CERS6: variants seen among roughly 807,000 people sequenced by gnomAD.
CERS6 encodes ceramide synthase 6.
CERS6 carries 26 observed loss-of-function variants against 56.8 expected under a neutral mutation model. That is an observed-to-expected ratio of 0.46 (90% CI 0.34 to 0.63). The LOEUF is 0.63. Ranked by LOEUF, CERS6 falls within the 30% of genes least tolerant of loss-of-function variation. The probability of loss-of-function intolerance (pLI) is 0.01; values close to 1 mark genes in which losing one functional copy is unlikely to be tolerated. For synonymous variants in CERS6, 164 were observed against 173.3 expected (o/e 0.95, Z 0.42); for missense variants, 415 against 467.5 (o/e 0.89, Z 1.04).
intron 4 of CERS6, among the ~76,000 whole-genome samples, chr2:168,639,962 T>C (rs1366906284): frequency 6.6e-6 from 1 of 152,200 alleles, no homozygotes; most frequent in Non-Finnish European, 1.5e-5. Context: ...GTCAAAAATC[T>C]GGTGATACTA....
chr2:168,758,965 A>T (rs568688275), intron 8 of CERS6, among the ~76,000 whole-genome samples: 1 of 152,284 alleles, frequency 6.6e-6, no homozygotes, highest in East Asian at 1.9e-4. Flanking sequence ...AAAGATTGTG[A>T]ACTGTTCTGC....
intron 1 of CERS6, among the ~76,000 whole-genome samples, chr2:168,537,251 A>AGT (rs1695280811): frequency 6.6e-6 from 1 of 152,226 alleles, no homozygotes; most frequent in South Asian, 2.1e-4. Flanking sequence ...GTCATTTTGT[A>AGT]GTGACTCATT....
intron 4 of CERS6, among the ~76,000 whole-genome samples, chr2:168,679,279 G>A (rs748756646): frequency 6.6e-5 from 10 of 152,126 alleles, no homozygotes; most frequent in African/African-American, 1.9e-4. Flanking sequence ...TATGCTTAAC[G>A]GTAGGATATT....
intron 1 of CERS6, among the ~76,000 whole-genome samples, chr2:168,464,051 G>A (rs1573999441): frequency 6.6e-6 from 1 of 152,266 alleles, no homozygotes; most frequent in South Asian, 2.1e-4. Flanking sequence ...TTCATATGGG[G>A]ATGAGGAGAT....
At chr2:168,518,163 T>C (rs999819829) in intron 1 of CERS6, among the ~76,000 whole-genome samples, 2 of 152,258 alleles carry the variant, frequency 1.3e-5, no homozygotes. Flanking sequence ...GTAAGTTGTA[T>C]TTTTCTTCCT....
rs1249530720 is a variant in CERS6, at chr2:168,490,506, T to C, written c.170+33888T>C. ...TCCTTGTAGATCATTTCTTTACATT[T>C]GACTCCTCCAGAATTCACCTTGTTA... On this transcript the variant is annotated intron_variant, in intron 1 of 9. Coordinates refer to ENST00000305747, the MANE Select transcript of CERS6 (RefSeq NM_203463.3). 2.0e-5 allele frequency among the ~76,000 whole-genome samples: 3 copies of C among 152,014 alleles called. No homozygotes were observed. In the East Asian group the frequency reaches 5.8e-4, roughly 29 times the overall value.
intron 1 of CERS6, among the ~76,000 whole-genome samples, chr2:168,540,203 A>G (rs1695341673): frequency 6.6e-6 from 1 of 151,134 alleles, no homozygotes; most frequent in Non-Finnish European, 1.5e-5. Context: ...ATAACATTTC[A>G]GTTAATTATG....
At chr2:168,619,077 A>G (rs1684396068) in intron 3 of CERS6, among the ~76,000 whole-genome samples, 1 of 152,236 alleles carries the variant, frequency 6.6e-6, no homozygotes, top group Non-Finnish European at 1.5e-5. Flanking sequence ...CAGCCAACTT[A>G]TCTTCAACAA....
chr2:168,761,740 A>ACAC (rs1339869138), intron 8 of CERS6, among the ~76,000 whole-genome samples: 4 of 152,132 alleles, frequency 2.6e-5, no homozygotes, highest in Non-Finnish European at 2.9e-5. Flanking sequence ...GAGTCCTCCC[A>ACAC]CACCACCACA....
chr2:168,713,609 C>T (rs1687151429), intron 6 of CERS6, among the ~76,000 whole-genome samples: 1 of 152,074 alleles, frequency 6.6e-6, no homozygotes, highest in African/African-American at 2.4e-5. Context: ...TCCCTTGAAG[C>T]CGACCAAAAT....
chr2:168,635,149 A>G (rs1228413491), intron 4 of CERS6, among the ~76,000 whole-genome samples: 1 of 152,166 alleles, frequency 6.6e-6, no homozygotes, highest in Non-Finnish European at 1.5e-5. Flanking sequence ...ACTGAGGTAT[A>G]GTGGAGGTAG....
At chr2:168,721,825 GC>G (rs1197999245) in intron 8 of CERS6, among the ~76,000 whole-genome samples, 2 of 151,934 alleles carry the variant, frequency 1.3e-5, no homozygotes, top group Non-Finnish European at 2.9e-5. Context: ...TCACTGCATT[GC>G]TTAGGCTAGT....
intron 3 of CERS6, among the ~76,000 whole-genome samples, chr2:168,602,571 A>G (rs900399932): frequency 6.6e-6 from 1 of 152,248 alleles, no homozygotes; most frequent in African/African-American, 2.4e-5. Context: ...GAGAGTTTAA[A>G]TGAATAATGT....
chr2:168,748,521 A>G (rs914574259), intron 8 of CERS6, among the ~76,000 whole-genome samples: 19 of 152,312 alleles, frequency 1.2e-4, no homozygotes, highest in Middle Eastern at 3.4e-3. Flanking sequence ...GATTTCTGCA[A>G]AAGAACTCAT....
At chr2:168,766,463 A>G (rs1460704902) in intron 9 of CERS6, 3 of 897,008 alleles carry the variant, frequency 3.3e-6, no homozygotes, top group East Asian at 2.4e-5. Context: ...GGCACTGTCT[A>G]GAGGCTTCAT....
At chr2:168,586,349 AC>A (rs1683542505) in intron 3 of CERS6, among the ~76,000 whole-genome samples, 1 of 151,876 alleles carries the variant, frequency 6.6e-6, no homozygotes. Flanking sequence ...ATTATAAAAC[AC>A]CCTTTGAAAG....
chr2:168,671,636 G>A (rs1014622588), intron 4 of CERS6, among the ~76,000 whole-genome samples: 1 of 152,120 alleles, frequency 6.6e-6, no homozygotes, highest in Non-Finnish European at 1.5e-5. Context: ...TTTGTTTGCT[G>A]GCACAGTAGC....
intron 8 of CERS6, among the ~76,000 whole-genome samples, chr2:168,752,595 G>C (rs1481693085): frequency 6.6e-6 from 1 of 152,130 alleles, no homozygotes; most frequent in African/African-American, 2.4e-5. Flanking sequence ...TGGTGATGGG[G>C]TGCGAACAAG....
At chr2:168,527,638 T>C (rs1191090773) in intron 1 of CERS6, among the ~76,000 whole-genome samples, 10 of 152,268 alleles carry the variant, frequency 6.6e-5, no homozygotes, top group East Asian at 5.8e-4. Flanking sequence ...GGCTGCATCC[T>C]CTGGAGTGGA....
Sources: allele counts gnomAD v4.1 joint callset (sites outside exome capture counted in the v4.1 genomes callset), GRCh38; gene constraint gnomAD v4.1.1; transcripts MANE v1.5; gene names NCBI Gene and HGNC (gene_info 2026-07-23, HGNC 2026-07-21).